ADAM23: variants seen among roughly 807,000 people sequenced by gnomAD.
ADAM23 encodes ADAM metallopeptidase domain 23.
Under a neutral mutation model 120.1 loss-of-function variants are expected in ADAM23, and 33 were observed. The ratio of observed to expected loss-of-function variants is 0.27; its 90% CI spans 0.21 to 0.37. The LOEUF is 0.37. Ranked by LOEUF, ADAM23 falls within the 10% of genes least tolerant of loss-of-function variation. The probability of loss-of-function intolerance (pLI) is 1.00; values close to 1 mark genes in which losing one functional copy is unlikely to be tolerated. For synonymous variants in ADAM23, 367 were observed against 375.2 expected (o/e 0.98, Z 0.25); for missense variants, 862 against 1,058.2 (o/e 0.81, Z 2.57).
intron 2 of ADAM23, among the ~76,000 whole-genome samples, chr2:206,458,990 T>C (rs1450451315): frequency 6.6e-6 from 1 of 152,232 alleles, no homozygotes; most frequent in Non-Finnish European, 1.5e-5. Flanking sequence ...GAATATGTTA[T>C]GACAAGGAGA....
At chr2:206,606,973 T>C (rs1698740615) in intron 24 of ADAM23, 1 of 152,206 alleles carries the variant, frequency 6.6e-6, no homozygotes, top group African/African-American at 2.4e-5. Context: ...TATGTTTTTC[T>C]ATAGTCCCAT....
intron 15 of ADAM23, among the ~76,000 whole-genome samples, chr2:206,569,664 C>G (rs1230272926): frequency 6.6e-6 from 1 of 152,210 alleles, no homozygotes; most frequent in Non-Finnish European, 1.5e-5. Context: ...CAGCCCTTCC[C>G]TTTTCCAGTT....
chr2:206,459,200 T>A (rs952877980), intron 2 of ADAM23, among the ~76,000 whole-genome samples: 1 of 152,230 alleles, frequency 6.6e-6, no homozygotes, highest in Non-Finnish European at 1.5e-5. Flanking sequence ...ACCGTTGGGC[T>A]GCATAAGTAC....
intron 24 of ADAM23, among the ~76,000 whole-genome samples, chr2:206,605,008 G>C (rs1033280366): frequency 6.6e-6 from 1 of 152,162 alleles, no homozygotes; most frequent in Non-Finnish European, 1.5e-5. Context: ...TTTTGCCTTT[G>C]TAGCGGGAAC....
intron 3 of ADAM23, among the ~76,000 whole-genome samples, chr2:206,519,793 C>CT (rs1380581330): frequency 6.6e-6 from 1 of 152,030 alleles, no homozygotes; most frequent in African/African-American, 2.4e-5. Context: ...GGGAGGATTG[C>CT]TTGAGCCCAG....
At chr2:206,555,380 A>G (rs115753030) in intron 9 of ADAM23, among the ~76,000 whole-genome samples, 1 of 152,008 alleles carries the variant, frequency 6.6e-6, no homozygotes, top group East Asian at 1.9e-4. Context: ...CCTATACATC[A>G]TCCAGTCGTG....
chr2:206,485,594 C>T (rs548489891), intron 3 of ADAM23, among the ~76,000 whole-genome samples: 1 of 152,220 alleles, frequency 6.6e-6, no homozygotes, highest in East Asian at 1.9e-4. Context: ...TGGTTTGCAT[C>T]TGGCTTGTGG....
At chr2:206,560,356 C>T (rs1378532595) in intron 11 of ADAM23, among the ~76,000 whole-genome samples, 1 of 151,824 alleles carries the variant, frequency 6.6e-6, no homozygotes, top group East Asian at 1.9e-4. Context: ...GATCAACTCA[C>T]AATCTAGGAT....
intron 3 of ADAM23, among the ~76,000 whole-genome samples, chr2:206,509,737 C>T (rs1200868922): frequency 6.6e-6 from 1 of 152,258 alleles, no homozygotes; most frequent in Non-Finnish European, 1.5e-5. Context: ...GTGTGAGCCA[C>T]TGCGCCCAGC....
chr2:206,564,084 C>G (rs986973631), intron 13 of ADAM23, among the ~76,000 whole-genome samples: 1 of 151,986 alleles, frequency 6.6e-6, no homozygotes, highest in Non-Finnish European at 1.5e-5. Flanking sequence ...TTCATTGGTT[C>G]TAAACTTTGA....
chr2:206,537,124 AC>A (rs1333751566), intron 4 of ADAM23, among the ~76,000 whole-genome samples: 1 of 152,180 alleles, frequency 6.6e-6, no homozygotes, highest in East Asian at 1.9e-4. Flanking sequence ...AGTGAACCAA[AC>A]AGATAAAGAT....
chr2:206,457,857 A>C (rs1385623924), intron 2 of ADAM23, among the ~76,000 whole-genome samples: 3 of 152,214 alleles, frequency 2.0e-5, no homozygotes, highest in Admixed American at 6.5e-5. Flanking sequence ...CTTCAAAATA[A>C]ACTGAATTTA....
rs142895582 is a variant in ADAM23 at position 206,539,489 on chromosome 2, T to C, written c.574-2563T>C. Among the ~76,000 whole-genome samples the C allele has an allele frequency of 4.1e-3, 621 of 152,312 alleles. 12 individuals carry two copies. The highest frequency in any genetic ancestry group is 2.3e-3 in the Non-Finnish European group (157 of 68,026). On this transcript the variant is annotated intron_variant, in intron 4 of 25. Coordinates refer to ENST00000264377, the MANE Select transcript of ADAM23 (RefSeq NM_003812.4). The stretch of plus-strand genomic sequence containing the variant: ...ACATGGACTTGAGAACCTGAAGATG[T>C]GGGAATCAGTTTGTCTTTTTGTTAT...
intron 4 of ADAM23, among the ~76,000 whole-genome samples, chr2:206,537,710 A>G (rs3755224): frequency 0.1 from 15,871 of 152,190 alleles, 1,044 homozygotes; most frequent in East Asian, 0.21. Context: ...CTAACCAGAG[A>G]TAACTTAAAG....
At chr2:206,474,641 C>G (rs1447488737) in intron 2 of ADAM23, among the ~76,000 whole-genome samples, 1 of 152,140 alleles carries the variant, frequency 6.6e-6, no homozygotes, top group African/African-American at 2.4e-5. Context: ...GTGGCATGAT[C>G]TTGGCTAACT....
At chr2:206,477,889 A>ATATATATATATATATATAT (rs371133867) in intron 2 of ADAM23, among the ~76,000 whole-genome samples, 3 of 54,502 alleles carry the variant, frequency 5.5e-5, no homozygotes, top group South Asian at 4.5e-4. Flanking sequence ...TTAAAAAAAA[A>ATATATATATATATATATAT]AAAAAAAAAT....
intron 10 of ADAM23, among the ~76,000 whole-genome samples, chr2:206,558,667 T>G (rs1023666147): frequency 6.6e-6 from 1 of 152,214 alleles, no homozygotes; most frequent in African/African-American, 2.4e-5. Flanking sequence ...TAACCACATC[T>G]TTTCCTCTGC....
chr2:206,488,323 A>T (rs947105725), intron 3 of ADAM23, among the ~76,000 whole-genome samples: 1 of 152,200 alleles, frequency 6.6e-6, no homozygotes, highest in Non-Finnish European at 1.5e-5. Flanking sequence ...TACAGTGTAC[A>T]CGAATAGTGT....
intron 18 of ADAM23, among the ~76,000 whole-genome samples, chr2:206,582,793 T>G (rs1043367269): frequency 3.3e-5 from 5 of 152,180 alleles, no homozygotes; most frequent in Admixed American, 6.5e-5. Context: ...CTGAAAACGA[T>G]TGTATCTTTC....
Sources: allele counts gnomAD v4.1 joint callset (sites outside exome capture counted in the v4.1 genomes callset), GRCh38; gene constraint gnomAD v4.1.1; transcripts MANE v1.5; gene names NCBI Gene and HGNC (gene_info 2026-07-23, HGNC 2026-07-21).